AKAP9: variants seen among roughly 807,000 people sequenced by gnomAD.
AKAP9 encodes A-kinase anchoring protein 9, also known as A-kinase anchor protein 9.
AKAP9 carries 311 observed loss-of-function variants against 488.5 expected under a neutral mutation model. The observed-to-expected ratio is 0.64, with a 90% confidence interval of 0.58 to 0.70. AKAP9 has a LOEUF of 0.70. AKAP9 is among the 30% of genes least tolerant of loss of function. The probability of loss-of-function intolerance (pLI) is 0.00; values close to 1 mark genes in which losing one functional copy is unlikely to be tolerated. For synonymous variants in AKAP9, 1,462 were observed against 1,483.5 expected, an observed-to-expected ratio of 0.99 and a Z score of 0.33; for missense variants, 4,215 against 4,374.5, an observed-to-expected ratio of 0.96 and a Z score of 1.03.
At chr7:92,061,584 CTATATATATATATATATATA>C (rs71528033) in intron 23 of AKAP9, among the ~76,000 whole-genome samples, 162 bp downstream of exon 23, 10 of 102,468 alleles carry the variant, frequency 9.8e-5, no homozygotes, top group South Asian at 3.2e-4. Flanking sequence ...ATTTTTAAAA[CTATATATATATATATATATA>C]TATATATATA....
At chr7:91,985,159 G>A (rs766041314) in intron 3 of AKAP9, among the ~76,000 whole-genome samples, 13 of 152,140 alleles carry the variant, frequency 8.5e-5, no homozygotes, top group Non-Finnish European at 1.8e-4. Context: ...TGTTGAATAG[G>A]AGTGGTGACA....
chr7:92,036,723 G>T (rs79651084), intron 16 of AKAP9, among the ~76,000 whole-genome samples: 4 of 152,140 alleles, frequency 2.6e-5, no homozygotes, highest in African/African-American at 9.7e-5. Context: ...GACAGAGGCA[G>T]ATCAGGTTCA....
intron 16 of AKAP9, among the ~76,000 whole-genome samples, chr7:92,037,334 G>T (rs550106878): frequency 6.6e-6 from 1 of 152,222 alleles, no homozygotes; most frequent in Admixed American, 6.5e-5. Context: ...AACCAGGTGG[G>T]AATCAGGACC....
rs56013208 is a variant in AKAP9, at chr7:91,967,157, A to G, written c.49-6554A>G. 4.6e-3 allele frequency among the ~76,000 whole-genome samples: 696 copies of G among 152,132 alleles called. 1 individual carries two copies. The highest frequency in any genetic ancestry group is 7.1e-3 in the Non-Finnish European group (480 of 67,968). On this transcript the variant is annotated intron_variant, in intron 1 of 49. Transcript: ENST00000356239. Reference sequence around the variant, plus strand: ...ATATATAATTTCTATTGATTTTTGTATGTTGATTGTGTATCCTGCTATTTT... The same window carrying G: ...ATATATAATTTCTATTGATTTTTGTGTGTTGATTGTGTATCCTGCTATTTT...
At chr7:92,009,057 ACCTATAATC>A (rs1050480461) in intron 8 of AKAP9, among the ~76,000 whole-genome samples, 2 of 151,912 alleles carry the variant, frequency 1.3e-5, no homozygotes, top group Non-Finnish European at 2.9e-5. Flanking sequence ...AGTTGCTCAC[ACCTATAATC>A]CCAGTGCTTC....
At chr7:92,107,195 A>T in intron 47 of AKAP9, 98 bp from the exon 48 acceptor site, 1 of 1,139,106 alleles carries the variant, frequency 8.8e-7, no homozygotes, top group South Asian at 1.3e-5. Context: ...TGTATAATAT[A>T]GTATAATAGT....
rs760977078 is a variant in AKAP9 at position 92,093,343 on chromosome 7, A to C, written c.9578+27A>C. The C allele has an allele frequency of 1.9e-6, 3 of 1,592,604 alleles. No homozygotes were observed. The South Asian group carries it at 3.3e-5, about 18-fold the overall frequency. On this transcript the variant is annotated intron_variant, in intron 39 of 49. Transcript: ENST00000356239. The stretch of plus-strand genomic sequence containing the variant: ...TGTGCCAGGCTTCCTTATTAAAAAC[A>C]TGTAACAAGGAGTGGGAGTAATTTT...
chr7:92,029,975 T>C lies in AKAP9; in HGVS notation c.4229T>C (p.Ile1410Thr). ...CCTGGAAGTTGTGTGAAAAAGAATA[T>C]TGATGGTACAATAGAGGTATTATAT... ...MYPGSCVKKNIDGTIEFSGEF... is the reference protein window; with the variant it reads ...MYPGSCVKKNTDGTIEFSGEF... The change falls in exon 15 of 50, where the codon ATT (isoleucine) becomes ACT (threonine). Residue 1410 changes from isoleucine to threonine, a missense_variant. By Grantham distance (89) the Ile-to-Thr change is moderately conservative. Coordinates refer to ENST00000356239, the MANE Select transcript of AKAP9 (RefSeq NM_005751.5). 1 of 1,606,790 alleles carries C rather than the reference T, an allele frequency of 6.2e-7. No individual in the cohort carries two copies.
At chr7:92,050,342 G>T (rs1005423770) in intron 21 of AKAP9, among the ~76,000 whole-genome samples, 1 of 151,820 alleles carries the variant, frequency 6.6e-6, no homozygotes, top group Non-Finnish European at 1.5e-5. Flanking sequence ...TGATCCACCT[G>T]CCTCGGCCTC....
chr7:92,101,497 C>G (rs1272579005), intron 45 of AKAP9, among the ~76,000 whole-genome samples: 1 of 151,752 alleles, frequency 6.6e-6, no homozygotes, highest in Non-Finnish European at 1.5e-5. Flanking sequence ...TTTATTCAGT[C>G]TTTGTCATGA....
intron 3 of AKAP9, among the ~76,000 whole-genome samples, chr7:91,985,308 G>A (rs1333967600): frequency 6.6e-6 from 1 of 152,184 alleles, no homozygotes; most frequent in Non-Finnish European, 1.5e-5. Flanking sequence ...AGTTTATTGA[G>A]AGTTTTTAGC....
intron 2 of AKAP9, among the ~76,000 whole-genome samples, chr7:91,976,080 G>A (rs1795650082): frequency 1.3e-5 from 2 of 151,640 alleles, no homozygotes; most frequent in East Asian, 1.9e-4. Context: ...GAGCCATCAC[G>A]CCCAACTAAT....
At chr7:92,054,586 T>A (rs1443380199) in intron 22 of AKAP9, among the ~76,000 whole-genome samples, 2 of 152,186 alleles carry the variant, frequency 1.3e-5, no homozygotes, top group Non-Finnish European at 2.9e-5. Context: ...AATTTTTGAA[T>A]ATCAGGGCAC....
chr7:92,052,013 G>T (rs1028504852), intron 21 of AKAP9, among the ~76,000 whole-genome samples: 1 of 152,088 alleles, frequency 6.6e-6, no homozygotes, highest in African/African-American at 2.4e-5. Context: ...AATAGTGTGG[G>T]TAATGTGGAT....
intron 44 of AKAP9, 108 bp from the exon 45 acceptor site, chr7:92,100,748 G>A: frequency 7.9e-7 from 1 of 1,266,620 alleles, no homozygotes; most frequent in Non-Finnish European, 1.1e-6. Flanking sequence ...AACTTTGTCT[G>A]GGTGGGGTTA....
At chr7:92,041,917 C>T (rs542732189) in intron 18 of AKAP9, 129 bp from the exon 19 acceptor site, 11 of 964,280 alleles carry the variant, frequency 1.1e-5, no homozygotes, top group East Asian at 5.2e-5. Flanking sequence ...TAACCCCTTA[C>T]GATGGAATAT....
intron 24 of AKAP9, 125 bp downstream of exon 24, chr7:92,062,611 A>G: frequency 1.3e-6 from 1 of 797,978 alleles, no homozygotes; most frequent in Non-Finnish European, 2.0e-6. Flanking sequence ...GATTTAAAAA[A>G]TTATAAGAAA....
At chr7:92,038,878 TC>T (rs1385894215) in intron 17 of AKAP9, 106 bp downstream of exon 17, 2 of 794,736 alleles carry the variant, frequency 2.5e-6, no homozygotes, top group Admixed American at 5.5e-5. Flanking sequence ...GAGGAAAATA[TC>T]AAATTCAGTC....
chr7:92,066,669 A>G lies in AKAP9; in HGVS notation c.6330+123A>G, dbSNP rs576908815. On this transcript the variant is annotated intron_variant, in intron 26 of 49. Coordinates refer to ENST00000356239, the MANE Select transcript of AKAP9 (RefSeq NM_005751.5). The stretch of plus-strand genomic sequence containing the variant: ...TGTATGTAAATCTTCAAAATCAGAA[A>G]ACTTAATATTACTTAAGCATGAGAA... The G allele has an allele frequency of 5.6e-6, 7 of 1,248,982 alleles. No homozygotes were observed. The South Asian group carries it at 9.0e-5, about 16-fold the overall frequency. The allele number at this position is 1,248,982 out of a possible 1,614,324, so 77.4% of individuals were successfully genotyped here. A position where few individuals can be genotyped will look rare whatever the true frequency, so the allele number is the denominator to read the frequency against.
Sources: allele counts gnomAD v4.1 joint callset (sites outside exome capture counted in the v4.1 genomes callset), GRCh38; gene constraint gnomAD v4.1.1; transcripts MANE v1.5; gene names NCBI Gene and HGNC (gene_info 2026-07-23, HGNC 2026-07-21).